The following PHLPP1 variants were observed in gnomAD, a reference collection of about 807,000 sequenced individuals.
The protein encoded by PHLPP1 is PH domain leucine-rich repeat-containing protein phosphatase 1.
PHLPP1 carries 42 observed loss-of-function variants against 117.2 expected under a neutral mutation model. The ratio of observed to expected loss-of-function variants is 0.36; its 90% CI spans 0.28 to 0.46. The LOEUF is 0.46. PHLPP1 is among the 20% of genes least tolerant of loss of function. The pLI is 1.00. For missense variants in PHLPP1, 2,084 were observed against 2,241.9 expected, an observed-to-expected ratio of 0.93 and a Z score of 1.42; for synonymous variants, 1,042 against 970.7, an observed-to-expected ratio of 1.07 and a Z score of -1.37.
intron 1 of PHLPP1, among the ~76,000 whole-genome samples, chr18:62,774,495 G>A (rs997097944): frequency 2.0e-5 from 3 of 152,188 alleles, no homozygotes; most frequent in African/African-American, 7.2e-5. Flanking sequence ...GAAAGGTTTT[G>A]ACATAGAGGT....
chr18:62,871,587 G>A (rs951113476), intron 4 of PHLPP1, among the ~76,000 whole-genome samples: 3 of 148,186 alleles, frequency 2.0e-5, no homozygotes, highest in African/African-American at 7.5e-5. Flanking sequence ...CTCGGCCTCC[G>A]AAAGTGCTGG....
chr18:62,975,449 A>G lies in PHLPP1; in HGVS notation c.3808A>G (p.Ile1270Val). The change falls in exon 16 of 17, where the codon ATC (isoleucine) becomes GTC (valine). Residue 1270 changes from isoleucine (I) to valine (V), a missense_variant. Ile to Val is a conservative substitution (Grantham distance 29, BLOSUM62 3). Transcript: ENST00000262719. ...KLGGAAVLCHIKHDPVDPGGS... is the reference protein window; with the variant it reads ...KLGGAAVLCHVKHDPVDPGGS... ...TGGTGGTGCCGCTGTCCTTTGTCAT[A>G]TCAAGCATGACCCTGTGGATCCAGG... The G allele has an allele frequency of 6.2e-7, 1 of 1,613,938 alleles. No individual in the cohort carries two copies. Among genetic ancestry groups the G allele is most frequent in the Admixed American group, 1.7e-5 (1 of 60,016 alleles).
chr18:62,879,629 C>T (rs1298962719), intron 4 of PHLPP1, among the ~76,000 whole-genome samples: 1 of 152,008 alleles, frequency 6.6e-6, no homozygotes, highest in African/African-American at 2.4e-5. Context: ...AGGATGGTCT[C>T]GATCTCCTGA....
chr18:62,750,717 GT>G (rs71160866), intron 1 of PHLPP1, among the ~76,000 whole-genome samples: 5,581 of 134,920 alleles, frequency 0.041, 128 homozygotes, highest in Middle Eastern at 0.067. Flanking sequence ...TTTCCTAGTT[GT>G]TTTTTTTTTT....
At chr18:62,771,851 G>A (rs2144267463) in intron 1 of PHLPP1, among the ~76,000 whole-genome samples, 1 of 152,322 alleles carries the variant, frequency 6.6e-6, no homozygotes, top group South Asian at 2.1e-4. Context: ...ATTTTCACCA[G>A]TCATCAATAA....
intron 6 of PHLPP1, among the ~76,000 whole-genome samples, chr18:62,901,486 T>G (rs1916723965): frequency 6.6e-6 from 1 of 152,214 alleles, no homozygotes; most frequent in African/African-American, 2.4e-5. Context: ...CTGGAACTCA[T>G]CCTTGTGTTT....
chr18:62,870,807 C>G (rs893855759), intron 4 of PHLPP1, among the ~76,000 whole-genome samples: 3 of 152,184 alleles, frequency 2.0e-5, no homozygotes, highest in Non-Finnish European at 4.4e-5. Context: ...AGATGGCATG[C>G]TGATGTACAC....
chr18:62,794,662 A>G (rs962529481), intron 1 of PHLPP1, among the ~76,000 whole-genome samples: 1 of 152,214 alleles, frequency 6.6e-6, no homozygotes, highest in African/African-American at 2.4e-5. Flanking sequence ...GGCATGAGCT[A>G]TGGTGACTTG....
intron 1 of PHLPP1, among the ~76,000 whole-genome samples, chr18:62,741,293 A>C (rs558997069): frequency 2.0e-5 from 3 of 152,346 alleles, no homozygotes; most frequent in African/African-American, 7.2e-5. Context: ...TTGTTGGCAC[A>C]AAGGTTTGTT....
chr18:62,972,035 C>CA (rs201499601), intron 14 of PHLPP1, among the ~76,000 whole-genome samples: 2,900 of 149,516 alleles, frequency 0.019, 80 homozygotes, highest in African/African-American at 0.066. Flanking sequence ...GACCCTGTCT[C>CA]AAAAAAAAAT....
At chr18:62,855,138 G>T (rs1372024715) in intron 3 of PHLPP1, among the ~76,000 whole-genome samples, 3 of 152,172 alleles carry the variant, frequency 2.0e-5, no homozygotes, top group African/African-American at 7.2e-5. Flanking sequence ...TAAGCTCTTG[G>T]AAGAGTGCCT....
intron 9 of PHLPP1, among the ~76,000 whole-genome samples, chr18:62,919,331 GTC>G (rs948501495): frequency 1.3e-5 from 2 of 152,144 alleles, no homozygotes; most frequent in Admixed American, 1.3e-4. Flanking sequence ...AGCTCTTTAA[GTC>G]TCTCAAGAAA....
intron 8 of PHLPP1, among the ~76,000 whole-genome samples, chr18:62,912,140 T>C (rs1372464655): frequency 1.9e-5 from 2 of 106,948 alleles, no homozygotes; most frequent in African/African-American, 7.3e-5. Context: ...TATCACACTC[T>C]GGGGACTGTG....
intron 4 of PHLPP1, among the ~76,000 whole-genome samples, chr18:62,861,087 A>G (rs922130594): frequency 2.0e-5 from 3 of 152,082 alleles, no homozygotes; most frequent in Non-Finnish European, 4.4e-5. Flanking sequence ...CAGGAGTCAC[A>G]TGTTAAATAA....
chr18:62,938,994 C>CTTTCTTTTTTTTTTTT (rs368316862), intron 10 of PHLPP1, among the ~76,000 whole-genome samples: 24 of 128,690 alleles, frequency 1.9e-4, no homozygotes, highest in East Asian at 4.5e-4. Flanking sequence ...TTCTTTCTTT[C>CTTTCTTTTTTTTTTTT]TTTTTTTTTT....
chr18:62,869,498 CT>C (rs2144370874), intron 4 of PHLPP1, among the ~76,000 whole-genome samples: 1 of 152,346 alleles, frequency 6.6e-6, no homozygotes, highest in East Asian at 1.9e-4. Context: ...GTACCCTTCT[CT>C]TTATTACCCT....
chr18:62,718,831 G>T (rs554559259), intron 1 of PHLPP1, among the ~76,000 whole-genome samples: 4 of 152,226 alleles, frequency 2.6e-5, no homozygotes, highest in Non-Finnish European at 5.9e-5. Flanking sequence ...TATATGGAAA[G>T]AGTTTGCTTA....
Position 62,978,736 on chromosome 18 carries a change from A to G in PHLPP1, c.4459A>G (p.Ser1487Gly), listed in dbSNP as rs1222692056. 6.2e-7 allele frequency: 1 copy of G among 1,613,508 alleles called. No individual in the cohort carries two copies. Among genetic ancestry groups the G allele is most frequent in the Non-Finnish European group, 8.5e-7 (1 of 1,179,818 alleles). Residue 1487 changes from serine to glycine, a missense_variant, in exon 17 of 17, where the codon AGC (serine) becomes GGC (glycine). By Grantham distance (56) the Ser-to-Gly change is moderately conservative. Coordinates refer to ENST00000262719, the MANE Select transcript of PHLPP1 (RefSeq NM_194449.4). This position sits in a 1 kb window ranked among gnomAD's most constrained non-coding sequence, Gnocchi z 7.0. ...ISSELSTSEM[S>G]SEVGSTASDE... Reference sequence around the variant, plus strand: ...CAGTGAGCTCTCCACTTCTGAGATGAGCAGCGAGGTGGGGTCAACAGCCTC... The same window carrying G: ...CAGTGAGCTCTCCACTTCTGAGATGGGCAGCGAGGTGGGGTCAACAGCCTC...
rs191757493 is a variant in PHLPP1 at position 62,734,081 on chromosome 18, G to A, written c.1576+16822G>A. 2.7e-3 allele frequency among the ~76,000 whole-genome samples: 414 copies of A among 152,276 alleles called. 1 individual carries two copies. The highest frequency in any genetic ancestry group is 9.2e-3 in the African/African-American group (384 of 41,564). On this transcript the variant is annotated intron_variant, in intron 1 of 16. Coordinates refer to ENST00000262719, the MANE Select transcript of PHLPP1 (RefSeq NM_194449.4). ...TGTGCTGGAGGTTGCACTAAAGCCT[G>A]ACAGTAGCCTAGAGTACACTGAGGG...
Sources: allele counts gnomAD v4.1 joint callset (sites outside exome capture counted in the v4.1 genomes callset), GRCh38; gene constraint gnomAD v4.1.1; non-coding constraint Gnocchi (gnomAD v3.1); transcripts MANE v1.5; gene names NCBI Gene and HGNC (gene_info 2026-07-23, HGNC 2026-07-21).